Variants in S100Z observed in about 807,000 individuals in gnomAD.
S100Z encodes S100 calcium binding protein Z, also known as protein S100-Z.
Under a neutral mutation model 8.5 loss-of-function variants are expected in S100Z, and 11 were observed. That is an observed-to-expected ratio of 1.30 (90% CI 0.82 to 2.15). The LOEUF is 2.15. S100Z is among the 30% of genes most tolerant of loss of function. S100Z has a pLI of 0.00. For missense variants in S100Z, 126 were observed against 117.9 expected, an observed-to-expected ratio of 1.07 and a Z score of -0.32; for synonymous variants, 34 against 43.8, an observed-to-expected ratio of 0.78 and a Z score of 0.89.
chr5:76,877,821 A>T lies in S100Z; in HGVS notation c.289A>T (p.Lys97Ter), dbSNP rs1743253811. The T allele has an allele frequency of 1.2e-6, 2 of 1,610,776 alleles. No individual in the cohort carries two copies. Among genetic ancestry groups the T allele is most frequent in the Non-Finnish European group, 1.7e-6 (2 of 1,177,140 alleles). Reference sequence around the variant, plus strand: ...TTACTTTGTAGAACAATTGAAGAAGAAAGGAAAATAAAGGTAAGTAATAAG... The same window carrying T: ...TTACTTTGTAGAACAATTGAAGAAGTAAGGAAAATAAAGGTAAGTAATAAG... ...NDYFVEQLKK[K>*]GK The change falls in exon 4 of 5, where the codon AAA (lysine) becomes TAA (stop). Residue 97 changes from lysine to a stop codon, truncating the protein, a stop_gained. Coordinates refer to ENST00000317593, the MANE Select transcript of S100Z (RefSeq NM_130772.4). LOFTEE classifies it high-confidence loss of function.
intron 4 of S100Z, among the ~76,000 whole-genome samples, chr5:76,880,846 CT>C (rs1743380085): frequency 6.6e-6 from 1 of 152,088 alleles, no homozygotes; most frequent in Non-Finnish European, 1.5e-5. Context: ...ACAGAGTCCC[CT>C]TTTTTTCTTC....
chr5:76,907,666 A>G (rs1429804639), intron 4 of S100Z, among the ~76,000 whole-genome samples: 1 of 152,158 alleles, frequency 6.6e-6, no homozygotes, highest in Non-Finnish European at 1.5e-5. Context: ...CTTTTTCAAA[A>G]TTATATTTGC....
intron 3 of S100Z, among the ~76,000 whole-genome samples, chr5:76,876,646 C>T (rs1743203524): frequency 6.6e-6 from 1 of 152,208 alleles, no homozygotes; most frequent in Non-Finnish European, 1.5e-5. Context: ...GCTGAGATTA[C>T]AGGCGTGAGC....
intron 4 of S100Z, among the ~76,000 whole-genome samples, chr5:76,889,178 C>T (rs1202467086): frequency 6.6e-6 from 1 of 152,140 alleles, no homozygotes; most frequent in Admixed American, 6.6e-5. Flanking sequence ...GAGCCCCCTT[C>T]CCTCTGTCTC....
chr5:76,859,351 G>A (rs1750981006), intron 1 of S100Z, among the ~76,000 whole-genome samples: 1 of 152,170 alleles, frequency 6.6e-6, no homozygotes, highest in Admixed American at 6.5e-5. Context: ...GAGAAAAGAA[G>A]GAGTTAGCAC....
Position 76,875,297 on chromosome 5 carries a change from GA to G in S100Z, c.-56-5del. The G allele has an allele frequency of 6.7e-7, 1 of 1,490,738 alleles. No homozygotes were observed. The highest frequency in any genetic ancestry group is 9.1e-7 in the Non-Finnish European group (1 of 1,101,262). 92.3% of individuals were successfully genotyped at this position (1,490,738 alleles called of 1,614,324 possible). On this transcript the variant is annotated splice_region_variant and splice_polypyrimidine_tract_variant and intron_variant, in intron 2 of 4. Transcript: ENST00000317593. ...TGGTGTTTCCTCATCTGTTTATTCT[GA>G]ACAAGTGTCTTCTCCCCGGGTTTGG...
intron 4 of S100Z, among the ~76,000 whole-genome samples, chr5:76,901,968 G>C: frequency 6.6e-6 from 1 of 152,102 alleles, no homozygotes; most frequent in East Asian, 1.9e-4. Flanking sequence ...AAGGCAGCAG[G>C]TTCCCTCCTG....
intron 4 of S100Z, among the ~76,000 whole-genome samples, chr5:76,895,765 CTTTTTTTTTTTTT>C (rs57723242): frequency 1.1e-5 from 1 of 88,336 alleles, no homozygotes; most frequent in African/African-American, 3.8e-5. Context: ...TCTTTTCTTC[CTTTTTTTTTTTTT>C]TTTTTTTTTG....
intron 4 of S100Z, among the ~76,000 whole-genome samples, chr5:76,881,312 G>A (rs1034489849): frequency 2.0e-5 from 3 of 152,208 alleles, no homozygotes; most frequent in African/African-American, 4.8e-5. Context: ...AAATTACCAC[G>A]GTGGCCTTCT....
the S100Z span, among the ~76,000 whole-genome samples, chr5:76,940,155 C>A: frequency 8.7e-4 from 102 of 116,784 alleles, no homozygotes; most frequent in African/African-American, 1.2e-3. Flanking sequence ...GACTCCATCT[C>A]AAAAAAAAAA....
At chr5:76,891,128 G>A (rs1670098712) in intron 4 of S100Z, among the ~76,000 whole-genome samples, 2 of 152,218 alleles carry the variant, frequency 1.3e-5, no homozygotes. Context: ...TCCCAAAAGT[G>A]CTGGGATTAC....
At chr5:76,909,621 C>T (rs190715753) in intron 4 of S100Z, among the ~76,000 whole-genome samples, 279 of 152,276 alleles carry the variant, frequency 1.8e-3, no homozygotes, top group African/African-American at 6.3e-3. Flanking sequence ...CTCCCCCGCC[C>T]AGAAGGAAAT....
At chr5:76,898,933 C>CTTTTTTT (rs56287065) in intron 4 of S100Z, among the ~76,000 whole-genome samples, 1,299 of 109,034 alleles carry the variant, frequency 0.012, 2 homozygotes, top group Non-Finnish European at 0.017. Context: ...CTTTTCTTTT[C>CTTTTTTT]TTTTTTTTTT....
the S100Z span, among the ~76,000 whole-genome samples, chr5:76,935,350 A>C: frequency 6.6e-6 from 1 of 152,352 alleles, no homozygotes; most frequent in East Asian, 1.9e-4. Flanking sequence ...TGGAATTAAT[A>C]TGATTACTAA....
chr5:76,865,594 T>G (rs1027001096), intron 1 of S100Z, among the ~76,000 whole-genome samples: 1 of 151,434 alleles, frequency 6.6e-6, no homozygotes, highest in Non-Finnish European at 1.5e-5. Context: ...AAAAAAAAAT[T>G]AAAAATAGAA....
At chr5:76,913,947 G>T (rs1000246505) in intron 4 of S100Z, among the ~76,000 whole-genome samples, 5 of 152,176 alleles carry the variant, frequency 3.3e-5, no homozygotes, top group African/African-American at 1.2e-4. Context: ...AGGTCCCATG[G>T]CAGCCATCTT....
intron 4 of S100Z, among the ~76,000 whole-genome samples, chr5:76,914,178 C>T (rs1039338357): frequency 5.9e-5 from 9 of 152,066 alleles, no homozygotes; most frequent in Non-Finnish European, 1.3e-4. Flanking sequence ...CCTTCTTTGC[C>T]CTTATCCAGC....
chr5:76,882,277 G>A (rs572671869), intron 4 of S100Z, among the ~76,000 whole-genome samples: 1 of 152,312 alleles, frequency 6.6e-6, no homozygotes, highest in South Asian at 2.1e-4. Flanking sequence ...TGAAGGCTAG[G>A]CTAAAACAGT....
At chr5:76,852,181 C>T (rs377334029) in intron 1 of S100Z, among the ~76,000 whole-genome samples, 3 of 152,152 alleles carry the variant, frequency 2.0e-5, no homozygotes, top group South Asian at 2.1e-4. Context: ...TTCCCACTGG[C>T]CTCCACTCCA....
Sources: allele counts gnomAD v4.1 joint callset (sites outside exome capture counted in the v4.1 genomes callset), GRCh38; gene constraint gnomAD v4.1.1; transcripts MANE v1.5; gene names NCBI Gene and HGNC (gene_info 2026-07-23, HGNC 2026-07-21).